ANK2: variants seen among roughly 807,000 people sequenced by gnomAD.
The protein encoded by ANK2 is ankyrin 2.
Under a neutral mutation model 360.5 loss-of-function variants are expected in ANK2, and 83 were observed. The ratio of observed to expected loss-of-function variants is 0.23; its 90% CI spans 0.19 to 0.28. The LOEUF (loss-of-function observed/expected upper bound fraction) is 0.28, where lower values mean the gene tolerates loss of function less well. Among genes scored for constraint, ANK2 ranks in the 10% least tolerant of loss-of-function variants. The pLI is 1.00. For missense variants in ANK2, 4,201 were observed against 4,795.7 expected, an observed-to-expected ratio of 0.88 and a Z score of 3.66; for synonymous variants, 1,740 against 1,759.5, an observed-to-expected ratio of 0.99 and a Z score of 0.28.
chr4:112,880,501 G>T (rs2076405646), intron 1 of ANK2: 1 of 152,172 alleles, frequency 6.6e-6, no homozygotes, highest in Admixed American at 6.5e-5. Flanking sequence ...CTTTCTGCTG[G>T]ATCAGCTGAG....
chr4:113,076,733 C>T (rs1362278444), intron 1 of ANK2, among the ~76,000 whole-genome samples: 1 of 151,184 alleles, frequency 6.6e-6, no homozygotes, highest in African/African-American at 2.4e-5. Context: ...GAGGTTGAGG[C>T]TGCAGTAAAC....
the ANK2 span, among the ~76,000 whole-genome samples, chr4:112,778,277 G>A: frequency 6.6e-6 from 1 of 151,796 alleles, no homozygotes; most frequent in Non-Finnish European, 1.5e-5. Context: ...GCCAATCCCA[G>A]TATTTTTATG....
intron 1 of ANK2, among the ~76,000 whole-genome samples, chr4:113,111,035 TAA>T (rs1272987575): frequency 1.3e-5 from 2 of 152,206 alleles, no homozygotes; most frequent in Admixed American, 6.6e-5. Flanking sequence ...AAGTACAGAA[TAA>T]TAGCCCAGTC....
intron 4 of ANK2, among the ~76,000 whole-genome samples, chr4:113,208,052 A>G (rs1408546347): frequency 6.7e-6 from 1 of 150,236 alleles, no homozygotes; most frequent in Non-Finnish European, 1.5e-5. Context: ...AGCCTGAGGA[A>G]GAAAGTCAGA....
chr4:113,355,335 C>T lies in ANK2; in HGVS notation c.6717C>T (p.Thr2239=). The change falls in exon 38 of 46, where the codon ACC becomes ACT. Residue 2239 remains threonine, a synonymous_variant. Transcript: ENST00000357077. ...ATAAGCATGAAGGCCTAGCAGAGAC[C>T]CCTGAGACGAGCCCAGAAAGCCTTT... ...ESYKHEGLAE[T]PETSPESLSF... 1 of 1,613,948 alleles carries T rather than the reference C, an allele frequency of 6.2e-7. No individual in the cohort carries two copies. Among genetic ancestry groups the T allele is most frequent in the Non-Finnish European group, 8.5e-7 (1 of 1,179,960 alleles).
At chr4:113,128,270 A>G (rs922330801) in intron 1 of ANK2, among the ~76,000 whole-genome samples, 15 of 152,294 alleles carry the variant, frequency 9.8e-5, no homozygotes, top group Middle Eastern at 3.4e-3. Context: ...TCATCTGTAA[A>G]CTGAGTTAAT....
intron 2 of ANK2, among the ~76,000 whole-genome samples, chr4:113,180,477 C>A (rs1019663584): frequency 6.6e-6 from 1 of 152,098 alleles, no homozygotes; most frequent in African/African-American, 2.4e-5. Context: ...AAAAGTAGCA[C>A]TGATTCGCAC....
rs1043468981 is a variant in ANK2 at position 113,333,202 on chromosome 4, G to C, written c.3373G>C (p.Asp1125His). Reference sequence around the variant, plus strand: ...ATTGAATGAAATTCTTAACGGCATGGATGAAGGTACTTTCAGATGAAGCGT... The same window carrying C: ...ATTGAATGAAATTCTTAACGGCATGCATGAAGGTACTTTCAGATGAAGCGT... ...DELNEILNGMDEVLDSPEDLE... is the reference protein window; with the variant it reads ...DELNEILNGMHEVLDSPEDLE... The change falls in exon 29 of 46, where the codon GAT becomes CAT. Residue 1125 changes from aspartate to histidine, a missense_variant. Around this residue, in one of 4 missense-constraint regions of ANK2, gnomAD observed 1,268 missense variants for 1,650.8 expected, o/e 0.77. Coordinates refer to ENST00000357077, the MANE Select transcript of ANK2 (RefSeq NM_001148.6). The C allele has an allele frequency of 1.2e-5, 20 of 1,613,984 alleles. No homozygotes were observed. Among genetic ancestry groups the C allele is most frequent in the Non-Finnish European group, 1.7e-5 (20 of 1,180,012 alleles).
At chr4:113,223,929 C>T (rs1162464380) in intron 4 of ANK2, among the ~76,000 whole-genome samples, 2 of 152,194 alleles carry the variant, frequency 1.3e-5, no homozygotes, top group African/African-American at 2.4e-5. Context: ...AAAGCTGATT[C>T]TTTCACATGT....
the ANK2 span, chr4:112,788,615 G>A: frequency 6.3e-7 from 1 of 1,598,034 alleles, no homozygotes. Flanking sequence ...CTGTTTGGCG[G>A]TCCAGGGCCT....
At chr4:112,810,802 C>T in the ANK2 span, among the ~76,000 whole-genome samples, 2 of 152,126 alleles carry the variant, frequency 1.3e-5, no homozygotes, top group East Asian at 1.9e-4. Context: ...TCCACCCCCT[C>T]GGCTTCCCAA....
intron 4 of ANK2, among the ~76,000 whole-genome samples, chr4:113,222,042 G>T (rs1304549941): frequency 1.3e-5 from 2 of 152,200 alleles, no homozygotes; most frequent in Non-Finnish European, 2.9e-5. Context: ...TAAGTAATGT[G>T]AAACTTCAGG....
chr4:113,346,499 G>T (rs75050099), intron 35 of ANK2, among the ~76,000 whole-genome samples: 2 of 152,060 alleles, frequency 1.3e-5, no homozygotes, highest in East Asian at 3.9e-4. Context: ...GAACTGCCCC[G>T]TGATATTTTA....
chr4:113,337,782 G>T (rs2093739557), intron 31 of ANK2, among the ~76,000 whole-genome samples: 1 of 152,074 alleles, frequency 6.6e-6, no homozygotes, highest in Admixed American at 6.6e-5. Flanking sequence ...CTCTTTCCCA[G>T]TTGCTCATTT....
chr4:112,729,771 GAAAGA>G, the ANK2 span, among the ~76,000 whole-genome samples: 650 of 148,938 alleles, frequency 4.4e-3, 5 homozygotes, highest in Admixed American at 8.2e-3. Flanking sequence ...AGAAAAGAAA[GAAAGA>G]AAAGAAAAGA....
At chr4:113,302,987 CT>C in intron 23 of ANK2, 148 bp downstream of exon 23, 2 of 759,496 alleles carry the variant, frequency 2.6e-6, no homozygotes, top group Non-Finnish European at 4.5e-6. Flanking sequence ...AATACATTTA[CT>C]TTTGCCATGG....
At chr4:113,278,590 A>G in intron 17 of ANK2, 32 bp downstream of exon 17, 1 of 1,585,620 alleles carries the variant, frequency 6.3e-7, no homozygotes, top group South Asian at 1.1e-5. Flanking sequence ...TTACAGGCAT[A>G]GGGTGTAACT....
At chr4:112,758,383 T>C in the ANK2 span, among the ~76,000 whole-genome samples, 1 of 152,150 alleles carries the variant, frequency 6.6e-6, no homozygotes, top group Non-Finnish European at 1.5e-5. Flanking sequence ...ATAGCTATTC[T>C]CTTATCAATC....
the ANK2 span, among the ~76,000 whole-genome samples, chr4:112,777,493 G>A: frequency 2.6e-5 from 4 of 151,862 alleles, no homozygotes; most frequent in African/African-American, 9.7e-5. Flanking sequence ...CGCCCGCCTC[G>A]GCCTCCCAAA....
Sources: gnomAD v4.1 joint callset for allele counts (sites outside exome capture counted in the v4.1 genomes callset) on GRCh38, gnomAD v4.1.1 for gene constraint, gnomAD v4.1.1 regional missense constraint, MANE v1.5 for transcripts, NCBI Gene and HGNC (gene_info 2026-07-23, HGNC 2026-07-21) for gene names.